ARSL: variants seen among roughly 807,000 people sequenced by gnomAD.
The protein encoded by ARSL is arylsulfatase L.
Under a neutral mutation model 31.1 loss-of-function variants are expected in ARSL, and 4 were observed. The ratio of observed to expected loss-of-function variants is 0.13; its 90% CI spans 0.06 to 0.29. The LOEUF (loss-of-function observed/expected upper bound fraction) is 0.29. ARSL is among the 10% of genes least tolerant of loss of function. The pLI, the probability that ARSL is intolerant of heterozygous loss-of-function variation, is 1.00. For synonymous variants in ARSL, 198 were observed against 209.9 expected (o/e 0.94, Z 0.49); for missense variants, 312 against 497.8 (o/e 0.63, Z 3.55).
At chrX:2,963,791 G>A (rs1483836668) in intron 1 of ARSL, among the ~76,000 whole-genome samples, 2 of 106,943 alleles carry the variant, frequency 1.9e-5, no homozygotes, top group Non-Finnish European at 3.9e-5. Context: ...CAATCCACCC[G>A]CCTCGACCTC....
intron 2 of ARSL, among the ~76,000 whole-genome samples, chrX:2,959,397 T>G (rs1436488002): frequency 9.0e-6 from 1 of 111,678 alleles, no homozygotes; most frequent in Non-Finnish European, 1.9e-5. Context: ...CCGCAGGGGT[T>G]GGTGACATAC....
At chrX:2,946,646 C>T (rs2089388135) in intron 6 of ARSL, among the ~76,000 whole-genome samples, 1 of 106,878 alleles carries the variant, frequency 9.4e-6, no homozygotes, top group South Asian at 4.3e-4. Flanking sequence ...GCGTGAGCCA[C>T]CATGCCTTTC....
chrX:2,953,084 A>G, intron 5 of ARSL, 59 bp downstream of exon 5: 2 of 1,179,373 alleles, frequency 1.7e-6, no homozygotes, highest in Non-Finnish European at 2.3e-6. Flanking sequence ...CAAACTCTTT[A>G]GCTGAATGTC....
Position 2,938,305 on chromosome X carries a change from A to G in ARSL, c.1127-48T>C, listed in dbSNP as rs369342482. The G allele has an allele frequency of 2.2e-4, 262 of 1,190,573 alleles. 1 individual carries two copies. The African/African-American group carries it at 3.9e-3, about 18-fold the overall frequency. ...GAAAGTGGTTAAAAACCAGAAATAGATGCTCAGCCTGGCTGATTTAACTTT... is the reference window on the plus strand; with the variant it reads ...GAAAGTGGTTAAAAACCAGAAATAGGTGCTCAGCCTGGCTGATTTAACTTT... On this transcript the variant is annotated intron_variant, in intron 8 of 10. Coordinates refer to ENST00000381134, the MANE Select transcript of ARSL (RefSeq NM_000047.3).
At position 2,938,260 on chromosome X, in the gene ARSL, G is replaced by A; in HGVS notation, c.1127-3C>T. The A allele has an allele frequency of 9.1e-6, 11 of 1,211,227 alleles. No homozygotes were observed. The highest frequency in any genetic ancestry group is 1.2e-5 in the Non-Finnish European group (11 of 895,282). ...CCATCCTCCCATGCCCTTCCCACCT[G>A]GGTTTGAACAGAAACAAAAGAAAGT... On this transcript the variant is annotated splice_polypyrimidine_tract_variant and splice_region_variant and intron_variant, in intron 8 of 10. Coordinates refer to ENST00000381134, the MANE Select transcript of ARSL (RefSeq NM_000047.3).
intron 10 of ARSL, 113 bp downstream of exon 10, chrX:2,936,629 T>C: frequency 9.6e-7 from 1 of 1,036,746 alleles, no homozygotes; most frequent in East Asian, 3.3e-5. Context: ...TGCGGAGACA[T>C]GGAGATGGAC....
chrX:2,958,449 C>T lies in ARSL; in HGVS notation c.24-14G>A, dbSNP rs769505725. ...CTGAAACACAAACTGTCAGAGACTG[C>T]GTCATGCTCCTGTCCATCTCATTTG... On this transcript the variant is annotated splice_polypyrimidine_tract_variant and intron_variant, in intron 2 of 10. Coordinates refer to ENST00000381134, the MANE Select transcript of ARSL (RefSeq NM_000047.3). 115 of 1,209,547 alleles carry T rather than the reference C, an allele frequency of 9.5e-5. No homozygotes were observed. In the East Asian group the frequency reaches 2.2e-3, roughly 23 times the overall value.
chrX:2,961,973 C>T (rs900426854), intron 1 of ARSL, among the ~76,000 whole-genome samples: 4 of 108,706 alleles, frequency 3.7e-5, no homozygotes, highest in Non-Finnish European at 7.6e-5. Context: ...CTCCGCCTCC[C>T]GGGTTCAAGT....
At position 2,964,293 on chromosome X, in the gene ARSL, G is replaced by T. The variant is rs1165799264; in HGVS notation, c.-90C>A. The T allele has an allele frequency of 1.3e-5, 10 of 754,107 alleles. No homozygotes were observed. Among genetic ancestry groups the T allele is most frequent in the Non-Finnish European group, 1.6e-5 (10 of 639,398 alleles). The allele number at this position is 754,107 out of a possible 1,213,427, so 62.1% of individuals were successfully genotyped here. ...AGGTTCTCTCCCAAAGGAAGCAAGC[G>T]TGAAGGCAGAGAGCACTTGCACAAG... is the stretch of plus-strand genomic sequence containing the variant. On this transcript the variant is annotated 5_prime_UTR_variant, in exon 1 of 11. Coordinates refer to ENST00000381134, the MANE Select transcript of ARSL (RefSeq NM_000047.3).
chrX:2,951,677 T>G (rs2089463977), intron 5 of ARSL, among the ~76,000 whole-genome samples: 1 of 104,318 alleles, frequency 9.6e-6, no homozygotes, highest in African/African-American at 3.5e-5. Context: ...GGTGCAAGCC[T>G]GTAGTACCAA....
At chrX:2,944,987 G>C (rs1415008553) in intron 7 of ARSL, among the ~76,000 whole-genome samples, 1 of 109,235 alleles carries the variant, frequency 9.2e-6, no homozygotes, top group East Asian at 2.9e-4. Flanking sequence ...GGAGGAGGAG[G>C]AATATGAAGA....
intron 2 of ARSL, chrX:2,959,536 A>G (rs1391454758): frequency 9.0e-7 from 1 of 1,106,203 alleles, no homozygotes; most frequent in African/African-American, 1.9e-5. Flanking sequence ...CAAGGTTTGT[A>G]GTAGGGGAAA....
intron 8 of ARSL, among the ~76,000 whole-genome samples, chrX:2,941,669 G>A (rs1031661329): frequency 1.6e-4 from 18 of 112,067 alleles, no homozygotes; most frequent in African/African-American, 3.9e-4. Context: ...TGGAAGCCCC[G>A]TGGCTTTGAG....
chrX:2,960,215 G>C (rs12842633), intron 2 of ARSL, among the ~76,000 whole-genome samples, 163 bp downstream of exon 2: 1 of 62,006 alleles, frequency 1.6e-5, no homozygotes. Flanking sequence ...CTTGCAGTGA[G>C]CCGAGATCGC....
At chrX:2,959,883 C>T (rs779500325) in intron 2 of ARSL, 5 of 319,089 alleles carry the variant, frequency 1.6e-5, no homozygotes, top group South Asian at 2.9e-4. Flanking sequence ...TGGTGAGACC[C>T]TGTCTCTATA....
Position 2,949,300 on chromosome X carries a change from T to C in ARSL, c.854+4A>G. 1.7e-6 allele frequency: 2 copies of C among 1,211,497 alleles called. No homozygotes were observed. The highest frequency in any genetic ancestry group is 2.2e-6 in the Non-Finnish European group (2 of 895,426). Reference sequence around the variant, plus strand: ...TTGGAGGAAGCTGACCCTTTTCTGCTGACCTTTTGAGAAAGGACGCAACCT... The same window carrying C: ...TTGGAGGAAGCTGACCCTTTTCTGCCGACCTTTTGAGAAAGGACGCAACCT... On this transcript the variant is annotated splice_donor_region_variant and intron_variant, in intron 6 of 10. Coordinates refer to ENST00000381134, the MANE Select transcript of ARSL (RefSeq NM_000047.3).
chrX:2,943,088 C>G lies in ARSL; in HGVS notation c.1103G>C (p.Gly368Ala), dbSNP rs1386067350. Residue 368 changes from glycine (G) to alanine (A), a missense_variant, in exon 8 of 11, where the codon GGT (glycine) becomes GCT (alanine). Gly to Ala is a moderately conservative substitution (Grantham distance 60). Transcript: ENST00000381134. Reference sequence around the variant, plus strand: ...ACCTTTATAAATTCCATTCCAGCCACCATACTGGGTGTTTCCAAGTTGATT... The same window carrying G: ...ACCTTTATAAATTCCATTCCAGCCAGCATACTGGGTGTTTCCAAGTTGATT... ...LENQLGNTQYGGWNGIYKGGK... is the reference protein window; with the variant it reads ...LENQLGNTQYAGWNGIYKGGK... 1 of 1,209,100 alleles carries G rather than the reference C, an allele frequency of 8.3e-7. No homozygotes were observed. Among genetic ancestry groups the G allele is most frequent in the African/African-American group, 1.8e-5 (1 of 56,970 alleles).
At chrX:2,943,010 T>A (rs138591239) in intron 8 of ARSL, 55 bp downstream of exon 8, 9 of 1,191,000 alleles carry the variant, frequency 7.6e-6, no homozygotes, top group Non-Finnish European at 1.0e-5. Flanking sequence ...CTGCTGGGAA[T>A]TGCAGGGAAG....
At chrX:2,937,143 C>T (rs964402663) in intron 9 of ARSL, among the ~76,000 whole-genome samples, 5 of 112,009 alleles carry the variant, frequency 4.5e-5, no homozygotes, top group Non-Finnish European at 7.5e-5. Flanking sequence ...CGTGTAATCC[C>T]AGCACTTTGG....
Sources: allele counts gnomAD v4.1 joint callset (sites outside exome capture counted in the v4.1 genomes callset), GRCh38; gene constraint gnomAD v4.1.1; transcripts MANE v1.5; gene names NCBI Gene and HGNC (gene_info 2026-07-23, HGNC 2026-07-21).